The following DHX8 variants were observed in gnomAD, a reference collection of about 807,000 sequenced individuals.
The protein encoded by DHX8 is ATP-dependent RNA helicase DHX8.
DHX8 carries 67 observed loss-of-function variants against 140.7 expected under a neutral mutation model. The observed-to-expected ratio is 0.48, with a 90% confidence interval of 0.39 to 0.58. DHX8 has a LOEUF of 0.58. Ranked by LOEUF, DHX8 falls within the 20% of genes least tolerant of loss-of-function variation. The pLI is 0.00. For synonymous variants in DHX8, 533 were observed against 553.2 expected, an observed-to-expected ratio of 0.96 and a Z score of 0.51; for missense variants, 887 against 1,550.7, an observed-to-expected ratio of 0.57 and a Z score of 7.19.
intron 12 of DHX8, among the ~76,000 whole-genome samples, chr17:43,505,724 A>C (rs1969457436): frequency 6.6e-6 from 1 of 152,134 alleles, no homozygotes; most frequent in African/African-American, 2.4e-5. Context: ...GAGGATACTC[A>C]GTCAATAAAC....
At chr17:43,537,198 T>A (rs116883170) in intron 3 of DHX8, among the ~76,000 whole-genome samples, 1 of 150,018 alleles carries the variant, frequency 6.7e-6, no homozygotes, top group Non-Finnish European at 1.5e-5. Flanking sequence ...AAACCCCATC[T>A]TTACTAAAAG....
At chr17:43,489,608 TGAGACAGA>T in intron 2 of DHX8, 74 bp downstream of exon 2, 2 of 1,190,412 alleles carry the variant, frequency 1.7e-6, no homozygotes, top group Non-Finnish European at 2.4e-6. Flanking sequence ...TTTTTTTTTT[TGAGACAGA>T]GTTTTGCTCT....
intron 16 of DHX8, among the ~76,000 whole-genome samples, chr17:43,510,033 TTTTG>T (rs72490644): frequency 7.3e-4 from 111 of 151,224 alleles, no homozygotes; most frequent in East Asian, 5.7e-3. Context: ...ATTTACTGTT[TTTTG>T]TTTGTTTGTT....
downstream of DHX8, chr17:43,525,945 AGGG>A: frequency 2.0e-6 from 2 of 985,452 alleles, no homozygotes; most frequent in Non-Finnish European, 2.4e-6. Context: ...AAGAGACAGC[AGGG>A]TTCGTTATCT....
intron 3 of DHX8, among the ~76,000 whole-genome samples, chr17:43,537,306 A>G (rs1158939930): frequency 6.6e-6 from 1 of 152,226 alleles, no homozygotes; most frequent in Non-Finnish European, 1.5e-5. Context: ...CAGAGGTTGC[A>G]GTGAGCTGAG....
At chr17:43,536,442 A>C in exon 3 of DHX8, 3 of 1,614,218 alleles carry the variant, frequency 1.9e-6, no homozygotes, top group Non-Finnish European at 2.5e-6. Context: ...CTGAATGGAA[A>C]TCAGGAACAA....
At chr17:43,541,943 A>G (rs995582836) in intron 3 of DHX8, among the ~76,000 whole-genome samples, 3 of 152,158 alleles carry the variant, frequency 2.0e-5, no homozygotes, top group Non-Finnish European at 4.4e-5. Context: ...ACCAGTGTAC[A>G]TGCACTCGGA....
chr17:43,536,621 T>C (rs1197217554), intron 3 of DHX8: 1 of 664,382 alleles, frequency 1.5e-6, no homozygotes, highest in African/African-American at 1.8e-5. Context: ...TTGTAAGAAT[T>C]GTCTTGGGCC....
rs1970567479 is a variant in DHX8, at chr17:43,525,111, C to G, written c.*1264C>G. On this transcript the variant is annotated 3_prime_UTR_variant, in exon 23 of 23. Transcript: ENST00000262415. ...CCTCTGCACTGAGGAGGCTCCTTAC[C>G]TGGCGGAACATCAGGCAGGTCTTGC... is the stretch of plus-strand genomic sequence containing the variant. The G allele has an allele frequency of 1.0e-6, 1 of 985,312 alleles. No homozygotes were observed. Among genetic ancestry groups the G allele is most frequent in the African/African-American group, 1.7e-5 (1 of 57,234 alleles). 61.0% of individuals were successfully genotyped at this position (985,312 alleles called of 1,614,324 possible). A position where few individuals can be genotyped will look rare whatever the true frequency, so the allele number is the denominator to read the frequency against.
intron 11 of DHX8, among the ~76,000 whole-genome samples, chr17:43,501,345 T>A (rs186853387): frequency 6.9e-4 from 105 of 152,130 alleles, no homozygotes; most frequent in Middle Eastern, 3.4e-3. Context: ...GAAAGAAGGC[T>A]TGTGTGGATG....
Position 43,523,938 on chromosome 17 carries a change from G to A in DHX8, c.*91G>A, listed in dbSNP as rs917067644. 9 of 1,547,332 alleles carry A rather than the reference G, an allele frequency of 5.8e-6. No homozygotes were observed. The highest frequency in any genetic ancestry group is 3.9e-5 in the Admixed American group (2 of 51,632). On this transcript the variant is annotated 3_prime_UTR_variant, in exon 23 of 23. Transcript: ENST00000262415. The stretch of plus-strand genomic sequence containing the variant: ...CTGGTCCTGAGGATACAGCTGTCCC[G>A]TGACTGACTGTCTTAACTGAGCATT...
At chr17:43,486,747 G>T (rs1324486351) in intron 1 of DHX8, among the ~76,000 whole-genome samples, 2 of 151,840 alleles carry the variant, frequency 1.3e-5, no homozygotes, top group Non-Finnish European at 2.9e-5. Context: ...GCGTGGTGGT[G>T]CACGCCTGTA....
intron 16 of DHX8, among the ~76,000 whole-genome samples, chr17:43,511,598 C>T (rs1015184150): frequency 4.0e-5 from 6 of 150,982 alleles, no homozygotes; most frequent in African/African-American, 1.5e-4. Context: ...GCTGGGATTA[C>T]AGGCATGTGC....
chr17:43,533,207 A>G (rs367792700), intron 2 of DHX8: 270 of 1,612,952 alleles, frequency 1.7e-4, no homozygotes, highest in Non-Finnish European at 2.2e-4. Flanking sequence ...CGAGGTACCC[A>G]TGGCCAGGGT....
At chr17:43,533,031 G>A (rs1314254379) in intron 2 of DHX8, 9 of 1,504,326 alleles carry the variant, frequency 6.0e-6, no homozygotes, top group Middle Eastern at 1.9e-4. Flanking sequence ...AGTGGGCTCC[G>A]GAATGGGGGG....
chr17:43,492,904 G>A lies in DHX8; in HGVS notation c.727G>A (p.Glu243Lys). 1.2e-6 allele frequency: 2 copies of A among 1,614,238 alleles called. No individual in the cohort carries two copies. Among genetic ancestry groups the A allele is most frequent in the Non-Finnish European group, 1.7e-6 (2 of 1,180,050 alleles). ...CCGGAAGGACCGGGACAAATATGGAGAGCGGAATCTGGATAGATGGCGGGA... is the reference window on the plus strand; with the variant it reads ...CCGGAAGGACCGGGACAAATATGGAAAGCGGAATCTGGATAGATGGCGGGA... ...KDRKDRDKYG[E>K]RNLDRWRDKH... is the part of the protein sequence containing the mutation. Residue 243 changes from glutamate to lysine, a missense_variant, in exon 6 of 23, where the codon GAG (glutamate) becomes AAG (lysine). Glu to Lys is a moderately conservative substitution (Grantham distance 56). Transcript: ENST00000262415.
At chr17:43,512,582 G>C (rs1477604689) in intron 16 of DHX8, among the ~76,000 whole-genome samples, 1 of 152,128 alleles carries the variant, frequency 6.6e-6, no homozygotes, top group Non-Finnish European at 1.5e-5. Flanking sequence ...TGGAAAGATG[G>C]TGAATTTCTC....
At chr17:43,507,315 G>C in intron 13 of DHX8, 118 bp downstream of exon 13, 1 of 1,234,112 alleles carries the variant, frequency 8.1e-7, no homozygotes, top group Non-Finnish European at 1.1e-6. Context: ...GAGGGAGAGA[G>C]GGTTCCCATT....
chr17:43,534,090 C>T (rs756776854), intron 2 of DHX8: 26 of 1,232,314 alleles, frequency 2.1e-5, no homozygotes, highest in Non-Finnish European at 2.7e-5. Context: ...GTGACTGGTA[C>T]AGCCTCCTTC....
Sources: gnomAD v4.1 joint callset for allele counts (sites outside exome capture counted in the v4.1 genomes callset) on GRCh38, gnomAD v4.1.1 for gene constraint, MANE v1.5 for transcripts, NCBI Gene and HGNC (gene_info 2026-07-23, HGNC 2026-07-21) for gene names.